Variants in FBXW4 observed in about 807,000 individuals in gnomAD.
FBXW4 encodes the protein F-box/WD repeat-containing protein 4.
Under a neutral mutation model 61.8 loss-of-function variants are expected in FBXW4, and 40 were observed. The ratio of observed to expected loss-of-function variants is 0.65; its 90% CI spans 0.50 to 0.84. The LOEUF is 0.84. Ranked by LOEUF, FBXW4 falls within the 40% of genes least tolerant of loss-of-function variation. The pLI is 0.00. For missense variants in FBXW4, 672 were observed against 753.8 expected, an observed-to-expected ratio of 0.89 and a Z score of 1.27; for synonymous variants, 311 against 313.8, an observed-to-expected ratio of 0.99 and a Z score of 0.10.
In FBXW4 at chr10:101,623,562, A is replaced by G. The variant is rs2063884661; in HGVS notation, c.1301+1183T>C. 2.0e-5 allele frequency among the ~76,000 whole-genome samples: 3 copies of G among 152,232 alleles called. No homozygotes were observed. In the South Asian group the frequency reaches 6.2e-4, roughly 32 times the overall value. On this transcript the variant is annotated intron_variant, in intron 6 of 8. Coordinates refer to ENST00000331272, the MANE Select transcript of FBXW4 (RefSeq NM_022039.4). ...AAAACTAAGCATACACTTACCAAAC[A>G]ACACAGCATTTGTACTCCTTGGCAT...
intron 5 of FBXW4, among the ~76,000 whole-genome samples, chr10:101,636,915 A>G (rs142182015): frequency 4.6e-4 from 70 of 152,254 alleles, no homozygotes; most frequent in Admixed American, 1.4e-3. Context: ...AAGTATCACT[A>G]TCTTTTAGAG....
chr10:101,617,402 A>T (rs188550468), intron 6 of FBXW4, among the ~76,000 whole-genome samples: 105 of 152,144 alleles, frequency 6.9e-4, no homozygotes, highest in African/African-American at 2.5e-3. Context: ...AGGCTTTTCC[A>T]CCTCACAGAT....
At chr10:101,672,096 C>T (rs2064362794) in intron 4 of FBXW4, among the ~76,000 whole-genome samples, 3 of 152,204 alleles carry the variant, frequency 2.0e-5, no homozygotes, top group African/African-American at 7.2e-5. Context: ...TGCTGACACA[C>T]CAGCAAGCAT....
chr10:101,640,694 G>A (rs1376882791), intron 5 of FBXW4, among the ~76,000 whole-genome samples: 2 of 145,558 alleles, frequency 1.4e-5, no homozygotes, highest in African/African-American at 5.1e-5. Context: ...ATTGGGTTTT[G>A]CTGTATTGGT....
intron 1 of FBXW4, 150 bp from the exon 2 acceptor site, chr10:101,676,586 T>C: frequency 1.9e-6 from 1 of 524,674 alleles, no homozygotes; most frequent in African/African-American, 2.0e-5. Flanking sequence ...TCTCTCTCCA[T>C]ACTTGACTAA....
chr10:101,611,273 C>G lies in FBXW4; in HGVS notation c.*18G>C. 2 of 1,610,656 alleles carry G rather than the reference C, an allele frequency of 1.2e-6. No homozygotes were observed. Among genetic ancestry groups the G allele is most frequent in the Admixed American group, 1.7e-5 (1 of 59,730 alleles). On this transcript the variant is annotated 3_prime_UTR_variant, in exon 9 of 9. Transcript: ENST00000331272. This position sits in a 1 kb window ranked among gnomAD's most constrained non-coding sequence, Gnocchi z 4.9. ...GTAGCTGGTTTCCCTGGCCCAGAGG[C>G]AGGGGTGGCCCTGACGGTCATGGGT...
At position 101,611,664 on chromosome 10, in the gene FBXW4, T is replaced by C; in HGVS notation, c.1548A>G (p.Val516=). 6.2e-7 allele frequency: 1 copy of C among 1,614,156 alleles called. No homozygotes were observed. The highest frequency in any genetic ancestry group is 8.5e-7 in the Non-Finnish European group (1 of 1,180,018). ...CCCTTTGACGCCGGTCCCACAGCCG[T>C]ACAACACCGTAGTAGGAGGAACCTG... ...LATGSSYYGV[V]RLWDRRQRAC... The change falls in exon 8 of 9, where the codon GTA becomes GTG. Residue 516 remains valine, a synonymous_variant. Coordinates refer to ENST00000331272, the MANE Select transcript of FBXW4 (RefSeq NM_022039.4). This position sits in a 1 kb window ranked among gnomAD's most constrained non-coding sequence, Gnocchi z 4.9.
chr10:101,642,798 G>A (rs1220982645), intron 5 of FBXW4, among the ~76,000 whole-genome samples: 1 of 152,210 alleles, frequency 6.6e-6, no homozygotes, highest in Non-Finnish European at 1.5e-5. Context: ...ACTGGGGCCA[G>A]GGCAGTGCCT....
intron 6 of FBXW4, among the ~76,000 whole-genome samples, chr10:101,618,907 C>T (rs115289523): frequency 1.3e-5 from 2 of 152,120 alleles, no homozygotes; most frequent in African/African-American, 4.8e-5. Context: ...AAAAAACCCA[C>T]AGCAAGAGGA....
rs191596862 is a variant in FBXW4, at chr10:101,682,869, C to A, written c.726-6433G>T. Among the ~76,000 whole-genome samples the A allele has an allele frequency of 1.6e-3, 241 of 151,944 alleles. 1 individual carries two copies. Among genetic ancestry groups the A allele is most frequent in the African/African-American group, 5.6e-3 (233 of 41,438 alleles). Reference sequence around the variant, plus strand: ...AAAAAAAAGTTCAATTTGGCTTTGACTTGAAAAAGCTCTACTTTGTTAAAA... The same window carrying A: ...AAAAAAAAGTTCAATTTGGCTTTGAATTGAAAAAGCTCTACTTTGTTAAAA... On this transcript the variant is annotated intron_variant, in intron 1 of 8. Transcript: ENST00000331272.
At chr10:101,666,925 G>GAA (rs141526805) in intron 5 of FBXW4, among the ~76,000 whole-genome samples, 11 of 149,158 alleles carry the variant, frequency 7.4e-5, no homozygotes, top group African/African-American at 9.9e-5. Context: ...AAAAAAGAAT[G>GAA]AAAAAAAAAC....
chr10:101,653,129 C>T (rs980017586), intron 5 of FBXW4, among the ~76,000 whole-genome samples: 6 of 152,120 alleles, frequency 3.9e-5, no homozygotes, highest in Non-Finnish European at 7.4e-5. Context: ...CAGAGGTACT[C>T]GTCTCTTCCC....
chr10:101,660,128 G>A (rs2064228320), intron 5 of FBXW4: 7 of 985,448 alleles, frequency 7.1e-6, no homozygotes, highest in Non-Finnish European at 7.2e-6. Flanking sequence ...CCCTTGAAGA[G>A]CTGAGAAAGC....
At chr10:101,638,318 C>T (rs938779107) in intron 5 of FBXW4, among the ~76,000 whole-genome samples, 1 of 152,032 alleles carries the variant, frequency 6.6e-6, no homozygotes, top group Admixed American at 6.5e-5. Context: ...AAAGGACCTC[C>T]AAGCCTCGTA....
chr10:101,636,194 A>C (rs939498381), intron 5 of FBXW4, among the ~76,000 whole-genome samples: 1 of 152,026 alleles, frequency 6.6e-6, no homozygotes, highest in African/African-American at 2.4e-5. Context: ...TGCTAAAAAT[A>C]CAAAAAAAGA....
chr10:101,694,709 C>T lies in FBXW4; in HGVS notation c.397G>A (p.Ala133Thr). Residue 133 changes from alanine to threonine, a missense_variant, in exon 1 of 9, where the codon GCC becomes ACC. Physicochemically the swap from Ala to Thr is moderately conservative, Grantham distance 58 (BLOSUM62 0). Coordinates refer to ENST00000331272, the MANE Select transcript of FBXW4 (RefSeq NM_022039.4). This position sits in a 1 kb window ranked among gnomAD's most constrained non-coding sequence, Gnocchi z 6.0. ...CGTCCCTGTGCTCTTCCCGGCCTGG[C>T]GCCCTCCCGCCGCCTAGCCCTGACC... ...WRVRARRREG[A>T]RPGRAQGRGG... is the part of the protein sequence containing the mutation. The T allele has an allele frequency of 7.3e-7, 1 of 1,374,060 alleles. No homozygotes were observed. Among genetic ancestry groups the T allele is most frequent in the Non-Finnish European group, 9.3e-7 (1 of 1,071,934 alleles). The allele number at this position is 1,374,060 out of a possible 1,614,324, so 85.1% of individuals were successfully genotyped here.
intron 5 of FBXW4, among the ~76,000 whole-genome samples, chr10:101,650,506 G>C (rs958348415): frequency 1.3e-5 from 2 of 152,192 alleles, no homozygotes; most frequent in Non-Finnish European, 2.9e-5. Flanking sequence ...CCAGTCACAA[G>C]GGGGGTTTAA....
intron 1 of FBXW4, among the ~76,000 whole-genome samples, chr10:101,678,294 G>A (rs2064437223): frequency 6.6e-6 from 1 of 152,140 alleles, no homozygotes; most frequent in African/African-American, 2.4e-5. Flanking sequence ...TCCACTTTAG[G>A]TTCCCATATA....
At chr10:101,681,300 A>G (rs1411731755) in intron 1 of FBXW4, among the ~76,000 whole-genome samples, 1 of 151,762 alleles carries the variant, frequency 6.6e-6, no homozygotes, top group East Asian at 1.9e-4. Context: ...AGGCAAGAGA[A>G]TTGCTTGAAC....
Sources: gnomAD v4.1 joint callset for allele counts (sites outside exome capture counted in the v4.1 genomes callset) on GRCh38, gnomAD v4.1.1 for gene constraint, Gnocchi (gnomAD v3.1) non-coding constraint, MANE v1.5 for transcripts, NCBI Gene and HGNC (gene_info 2026-07-23, HGNC 2026-07-21) for gene names.